Variants in SV2C observed in about 807,000 individuals in gnomAD.
SV2C encodes synaptic vesicle glycoprotein 2C.
Under a neutral mutation model 79.7 loss-of-function variants are expected in SV2C, and 49 were observed. The observed-to-expected ratio is 0.61, with a 90% CI of 0.49 to 0.78. The LOEUF (loss-of-function observed/expected upper bound fraction) is 0.78. Among genes scored for constraint, SV2C ranks in the 30% least tolerant of loss-of-function variants. The pLI is 0.00. For missense variants in SV2C, 833 were observed against 912.9 expected (o/e 0.91, Z 1.13); for synonymous variants, 334 against 333.2 (o/e 1.00, Z -0.03).
intron 12 of SV2C, among the ~76,000 whole-genome samples, chr5:76,314,969 G>T (rs542393871): frequency 1.3e-5 from 2 of 152,196 alleles, no homozygotes; most frequent in East Asian, 3.9e-4. Flanking sequence ...AAAGGCTCCC[G>T]TTATTACCTT....
At chr5:75,873,374 A>G in the SV2C span, among the ~76,000 whole-genome samples, 40 of 149,868 alleles carry the variant, frequency 2.7e-4, no homozygotes, top group Non-Finnish European at 4.8e-4. Flanking sequence ...TCTAATAAAT[A>G]TGTCATCATT....
Position 76,194,976 on chromosome 5 carries a change from AC to A in SV2C, c.639del (p.Asp213GlufsTer10). 6.2e-7 allele frequency: 1 copy of A among 1,614,116 alleles called. No individual in the cohort carries two copies. Among genetic ancestry groups the A allele is most frequent in the Non-Finnish European group, 8.5e-7 (1 of 1,179,980 alleles). On this transcript the variant is annotated frameshift_variant, in exon 3 of 13. Transcript: ENST00000502798. LOFTEE classifies it high-confidence loss of function. ...VGAFFWGGLA[D>X]KVGRKQSLLI... ...GCGTTCTTCTGGGGAGGACTGGCAG[AC>A]AAAGTGGGAAGGAAACAGTCTCTTC...
At chr5:76,102,612 C>T (rs767482915) in intron 1 of SV2C, among the ~76,000 whole-genome samples, 8 of 152,200 alleles carry the variant, frequency 5.3e-5, no homozygotes, top group African/African-American at 7.2e-5. Flanking sequence ...TCCCAGAGAA[C>T]ACATATTACT....
upstream of SV2C, among the ~76,000 whole-genome samples, chr5:76,083,017 T>C (rs1425443610): frequency 1.3e-5 from 2 of 152,182 alleles, no homozygotes; most frequent in East Asian, 3.9e-4. Flanking sequence ...CAACGCACAG[T>C]CACAGTTGGT....
chr5:76,264,583 A>G (rs879373141), intron 4 of SV2C, among the ~76,000 whole-genome samples: 2 of 151,886 alleles, frequency 1.3e-5, no homozygotes, highest in Non-Finnish European at 2.9e-5. Flanking sequence ...TCTACCTTTA[A>G]TCTTTGAGGC....
At chr5:75,961,093 A>G in the SV2C span, among the ~76,000 whole-genome samples, 1 of 152,044 alleles carries the variant, frequency 6.6e-6, no homozygotes, top group Non-Finnish European at 1.5e-5. Context: ...AAGTGATCAG[A>G]TCTTTCAATA....
the SV2C span, among the ~76,000 whole-genome samples, chr5:76,013,386 C>T: frequency 2.0e-5 from 3 of 152,136 alleles, no homozygotes; most frequent in Non-Finnish European, 2.9e-5. Context: ...TGGGAGTTCA[C>T]TCATAATTTG....
In SV2C at chr5:76,171,091, C is replaced by T. The variant is rs1580325126; in HGVS notation, c.581-23828C>T. On this transcript the variant is annotated intron_variant, in intron 2 of 12. Transcript: ENST00000502798. ...AGGAGCGGACGGGCCCCGCGGGGCCCGAGGGCAAGGAGCAGCCGCCTGCCT... is the reference window on the plus strand; with the variant it reads ...AGGAGCGGACGGGCCCCGCGGGGCCTGAGGGCAAGGAGCAGCCGCCTGCCT... 1.1e-4 allele frequency: 10 copies of T among 95,232 alleles called. No homozygotes were observed. In the East Asian group the frequency reaches 2.7e-3, roughly 26 times the overall value. The allele number at this position is 95,232 out of a possible 1,614,324, so 5.9% of individuals were successfully genotyped here.
At chr5:75,851,659 G>A in the SV2C span, among the ~76,000 whole-genome samples, 68 of 150,096 alleles carry the variant, frequency 4.5e-4, no homozygotes, top group Non-Finnish European at 1.2e-4. Context: ...TTTTTTTTCT[G>A]AGACGGAGTC....
At chr5:76,174,996 CTGACTAAATT>C (rs1743478988) in intron 2 of SV2C, among the ~76,000 whole-genome samples, 1 of 152,190 alleles carries the variant, frequency 6.6e-6, no homozygotes, top group South Asian at 2.1e-4. Context: ...GGCGGTCTAA[CTGACTAAATT>C]TCAGGTAAGG....
chr5:75,995,766 A>T, the SV2C span, among the ~76,000 whole-genome samples: 1 of 152,136 alleles, frequency 6.6e-6, no homozygotes, highest in Non-Finnish European at 1.5e-5. Flanking sequence ...AGAAAACTTG[A>T]CATTAGAAGC....
chr5:75,968,365 A>T, the SV2C span, among the ~76,000 whole-genome samples: 1 of 152,200 alleles, frequency 6.6e-6, no homozygotes, highest in Non-Finnish European at 1.5e-5. Flanking sequence ...GCTTCCAAAG[A>T]TCAAACTACT....
chr5:75,875,053 A>G, the SV2C span, among the ~76,000 whole-genome samples: 2 of 151,960 alleles, frequency 1.3e-5, no homozygotes, highest in Non-Finnish European at 2.9e-5. Context: ...CAAACCAAAA[A>G]CAACAACAGC....
chr5:76,096,117 G>T (rs551797364), intron 1 of SV2C, among the ~76,000 whole-genome samples: 4 of 152,044 alleles, frequency 2.6e-5, no homozygotes, highest in Non-Finnish European at 5.9e-5. Context: ...ATACACATTG[G>T]TATGATTTGT....
At chr5:76,101,738 A>G (rs1470651137) in intron 1 of SV2C, among the ~76,000 whole-genome samples, 1 of 152,186 alleles carries the variant, frequency 6.6e-6, no homozygotes, top group African/African-American at 2.4e-5. Context: ...AATTTCATCC[A>G]AAGGTGGCCA....
At chr5:76,179,320 T>A (rs1291320832) in intron 2 of SV2C, among the ~76,000 whole-genome samples, 7 of 152,190 alleles carry the variant, frequency 4.6e-5, no homozygotes, top group Non-Finnish European at 8.8e-5. Context: ...TAGGATACAA[T>A]GGTTTTTAAC....
At chr5:75,867,525 TA>T in the SV2C span, among the ~76,000 whole-genome samples, 3 of 152,204 alleles carry the variant, frequency 2.0e-5, no homozygotes, top group African/African-American at 7.2e-5. Flanking sequence ...AGGAAAGCTA[TA>T]GAATTGTTTT....
chr5:76,204,099 T>C (rs1744536120), intron 3 of SV2C, among the ~76,000 whole-genome samples: 1 of 152,230 alleles, frequency 6.6e-6, no homozygotes, highest in Non-Finnish European at 1.5e-5. Flanking sequence ...AGGTCTGTGA[T>C]ACTCTATTTA....
At chr5:76,053,211 T>A in the SV2C span, among the ~76,000 whole-genome samples, 19 of 152,210 alleles carry the variant, frequency 1.2e-4, no homozygotes, top group South Asian at 2.1e-4. Flanking sequence ...GCTGACCTTT[T>A]TTGTTCCAAG....
Sources: gnomAD v4.1 joint callset for allele counts (sites outside exome capture counted in the v4.1 genomes callset) on GRCh38, gnomAD v4.1.1 for gene constraint, MANE v1.5 for transcripts, NCBI Gene and HGNC (gene_info 2026-07-23, HGNC 2026-07-21) for gene names.